The following RAD9A variants were observed in gnomAD, a reference collection of about 807,000 sequenced individuals.
The protein encoded by RAD9A is cell cycle checkpoint control protein RAD9A.
RAD9A carries 25 observed loss-of-function variants against 41.2 expected under a neutral mutation model. That is an observed-to-expected ratio of 0.61 (90% confidence interval 0.44 to 0.85). RAD9A has a LOEUF of 0.85. Ranked by LOEUF, RAD9A falls within the 40% of genes least tolerant of loss-of-function variation. The pLI, the probability that RAD9A is intolerant of heterozygous loss-of-function variation, is 0.00. For missense variants in RAD9A, 514 were observed against 518.3 expected, an observed-to-expected ratio of 0.99 and a Z score of 0.08; for synonymous variants, 252 against 210.6, an observed-to-expected ratio of 1.20 and a Z score of -1.70.
Position 67,398,077 on chromosome 11 carries a change from G to A in RAD9A, c.*518G>A. On this transcript the variant is annotated 3_prime_UTR_variant, in exon 11 of 11. Coordinates refer to ENST00000307980, the MANE Select transcript of RAD9A (RefSeq NM_004584.3). ...AATTCTAAGAGCCTTGGACCCGAGT[G>A]TGTGGCTAGGGTTGCCCTGGCTGGG... 1 of 205,786 alleles carries A rather than the reference G, an allele frequency of 4.9e-6. No individual in the cohort carries two copies. Among genetic ancestry groups the A allele is most frequent in the Non-Finnish European group, 9.9e-6 (1 of 100,698 alleles). The allele number at this position is 205,786 out of a possible 1,614,324, so 12.7% of individuals were successfully genotyped here.
Position 67,393,783 on chromosome 11 carries a change from C to G in RAD9A, c.442C>G (p.Pro148Ala). 6.2e-7 allele frequency: 1 copy of G among 1,605,768 alleles called. No homozygotes were observed. The highest frequency in any genetic ancestry group is 8.5e-7 in the Non-Finnish European group (1 of 1,176,516). Residue 148 changes from proline (P) to alanine (A), a missense_variant, in exon 5 of 11, where the codon CCA (proline) becomes GCA (alanine). Coordinates refer to ENST00000307980, the MANE Select transcript of RAD9A (RefSeq NM_004584.3). ...CTCGTGCCCCCACATGCTCCGCGCC[C>G]CAGCACGGTGAGCACACCCCTGCCC... ...PASCPHMLRA[P>A]ARVLGEAVLP...
intron 3 of RAD9A, 144 bp from the exon 4 acceptor site, chr11:67,393,352 T>TAGA (rs1862587372): frequency 7.0e-7 from 1 of 1,437,872 alleles, no homozygotes; most frequent in South Asian, 1.4e-5. Flanking sequence ...GAATGAGGCC[T>TAGA]AGAAGGATGC....
At position 67,397,082 on chromosome 11, in the gene RAD9A, G is replaced by A. The variant is rs776415210; in HGVS notation, c.873-97G>A. 30 of 831,394 alleles carry A rather than the reference G, an allele frequency of 3.6e-5. No individual in the cohort carries two copies. The African/African-American group carries it at 5.1e-4, about 14-fold the overall frequency. 51.5% of individuals were successfully genotyped at this position (831,394 alleles called of 1,614,324 possible). ...AAGTCATAAAACCAAGAGATCTCCA[G>A]TGGTCGGGGGCCCCAGAGCTCCCTT... On this transcript the variant is annotated intron_variant, in intron 9 of 10. Coordinates refer to ENST00000307980, the MANE Select transcript of RAD9A (RefSeq NM_004584.3).
At chr11:67,393,161 T>C (rs17883741) in intron 3 of RAD9A, 20,091 of 525,890 alleles carry the variant, frequency 0.038, 503 homozygotes, top group East Asian at 0.11. Flanking sequence ...GCGCCTGTAA[T>C]CCCAGCTACT....
chr11:67,393,647 C>T, intron 4 of RAD9A, 37 bp downstream of exon 4: 1 of 1,613,256 alleles, frequency 6.2e-7, no homozygotes, highest in Non-Finnish European at 8.5e-7. Context: ...GGTGCCTCAG[C>T]AGGGAGGTCG....
chr11:67,396,487 G>T, intron 9 of RAD9A, 87 bp downstream of exon 9: 1 of 1,489,510 alleles, frequency 6.7e-7, no homozygotes. Context: ...GCACCTCCCC[G>T]CAATGTGTTC....
Position 67,393,714 on chromosome 11 carries a change from TC to T in RAD9A, c.375del (p.Phe126SerfsTer41). 2 of 1,613,658 alleles carry T rather than the reference TC, an allele frequency of 1.2e-6. No individual in the cohort carries two copies. Among genetic ancestry groups the T allele is most frequent in the Non-Finnish European group, 1.7e-6 (2 of 1,179,796 alleles). On this transcript the variant is annotated frameshift_variant, in exon 5 of 11. Transcript: ENST00000307980. LOFTEE classifies it high-confidence loss of function. The part of the protein sequence containing the change: ...KFGVRKTHNL[S>X]FQDCESLQAV... The stretch of plus-strand genomic sequence containing the variant: ...AGGGGTGCGGAAGACTCACAACCTG[TC>T]CTTCCAGGACTGTGAGTCCCTGCAG...
Position 67,396,340 on chromosome 11 carries a change from A to G in RAD9A, c.812A>G (p.His271Arg). 2 of 1,613,386 alleles carry G rather than the reference A, an allele frequency of 1.2e-6. No homozygotes were observed. Among genetic ancestry groups the G allele is most frequent in the South Asian group, 1.1e-5 (1 of 91,034 alleles). Residue 271 changes from histidine (H) to arginine (R), a missense_variant, in exon 9 of 11, where the codon CAC becomes CGC. Coordinates refer to ENST00000307980, the MANE Select transcript of RAD9A (RefSeq NM_004584.3). Reference protein sequence around the residue: ...VLATLSDTDSHSQDLGSPERH... With the variant: ...VLATLSDTDSRSQDLGSPERH... ...GCCACACTCTCAGACACCGACTCGCACTCCCAGGACCTGGGCTCCCCAGAG... is the reference window on the plus strand; with the variant it reads ...GCCACACTCTCAGACACCGACTCGCGCTCCCAGGACCTGGGCTCCCCAGAG...
intron 5 of RAD9A, 90 bp downstream of exon 5, chr11:67,393,880 C>T: frequency 9.4e-7 from 1 of 1,058,876 alleles, no homozygotes; most frequent in Non-Finnish European, 1.3e-6. Flanking sequence ...GTACCTCTTT[C>T]ATTTTCCCTA....
Position 67,397,184 on chromosome 11 carries a change from C to G in RAD9A, c.878C>G (p.Pro293Arg). 1 of 1,612,594 alleles carries G rather than the reference C, an allele frequency of 6.2e-7. No homozygotes were observed. Among genetic ancestry groups the G allele is most frequent in the South Asian group, 1.1e-5 (1 of 91,054 alleles). The change falls in exon 10 of 11, where the codon CCC becomes CGC. Residue 293 changes from proline (P) to arginine (R), a missense_variant. Around this residue, in one of 3 missense-constraint regions of RAD9A, gnomAD observed 216 missense variants for 184.2 expected, o/e 1.17. Transcript: ENST00000307980. ...TACTCCGATTCTGCCTACAGCACAC[C>G]CCACCCGGACGACTTTGCCAATGAC... ...PVPQLQAHST[P>R]HPDDFANDDI...
In RAD9A at chr11:67,398,331, G is replaced by A. The variant is rs911265871; in HGVS notation, c.*772G>A. The A allele has an allele frequency of 2.8e-5, 17 of 604,174 alleles. No homozygotes were observed. Among genetic ancestry groups the A allele is most frequent in the Non-Finnish European group, 4.6e-5 (16 of 351,402 alleles). The allele number at this position is 604,174 out of a possible 1,614,324, so 37.4% of individuals were successfully genotyped here. On this transcript the variant is annotated 3_prime_UTR_variant, in exon 11 of 11. Coordinates refer to ENST00000307980, the MANE Select transcript of RAD9A (RefSeq NM_004584.3). ...CCTCGGCCCCAGGATCCTGCTCACA[G>A]TCACCGCAGGTGCAGGCAGGAAGCA...
chr11:67,392,239 G>GGGC lies in RAD9A; in HGVS notation c.105+8_105+9insGGC. 7.3e-7 allele frequency: 1 copy of GGGC among 1,361,976 alleles called. No homozygotes were observed. The highest frequency in any genetic ancestry group is 1.0e-6 in the Non-Finnish European group (1 of 969,466). The allele number at this position is 1,361,976 out of a possible 1,614,324, so 84.4% of individuals were successfully genotyped here. A position where few individuals can be genotyped will look rare whatever the true frequency, so the allele number is the denominator to read the frequency against. The stretch of plus-strand genomic sequence containing the variant: ...GAACCCTTGGAGGACGGGGTGAGGG[G>GGGC]CTAGGGTGTGGGGGGCGGGTGGGAC... On this transcript the variant is annotated intron_variant, in intron 2 of 10. Transcript: ENST00000307980.
chr11:67,392,306 A>T, intron 2 of RAD9A, 75 bp downstream of exon 2: 1 of 1,279,254 alleles, frequency 7.8e-7, no homozygotes, highest in Non-Finnish European at 1.1e-6. Context: ...TCTCGCCCCC[A>T]CTAGGCGGGA....
intron 3 of RAD9A, 23 bp from the exon 4 acceptor site, chr11:67,393,473 C>T (rs1565116163): frequency 1.2e-5 from 19 of 1,612,938 alleles, no homozygotes; most frequent in Admixed American, 1.7e-5. Flanking sequence ...TGATGCTAGG[C>T]TGAGGTGTCT....
chr11:67,395,517 A>G (rs771872958), intron 5 of RAD9A, among the ~76,000 whole-genome samples, 199 bp from the exon 6 acceptor site: 4 of 152,012 alleles, frequency 2.6e-5, no homozygotes, highest in African/African-American at 4.8e-5. Context: ...CCTGGTCTGC[A>G]TGGTCAGGTG....
At chr11:67,393,361 G>A in intron 3 of RAD9A, 135 bp from the exon 4 acceptor site, 2 of 1,448,588 alleles carry the variant, frequency 1.4e-6, no homozygotes, top group Non-Finnish European at 1.8e-6. Flanking sequence ...CTAGAAGGAT[G>A]CCAGTGCCCG....
Position 67,392,207 on chromosome 11 carries a change from C to A in RAD9A, c.81C>A (p.Leu27=). The change falls in exon 2 of 11, where the codon CTC becomes CTA. Residue 27 remains leucine (L), a synonymous_variant. Transcript: ENST00000307980. ...VHSLSRIGDE[L]YLEPLEDGLS... ...CCCTGTCCCGCATCGGGGACGAGCT[C>A]TACCTGGAACCCTTGGAGGACGGGG... is the stretch of plus-strand genomic sequence containing the variant. 6.5e-7 allele frequency: 1 copy of A among 1,531,538 alleles called. No individual in the cohort carries two copies. 94.9% of individuals were successfully genotyped at this position (1,531,538 alleles called of 1,614,324 possible). A position where few individuals can be genotyped will look rare whatever the true frequency, so the allele number is the denominator to read the frequency against.
At position 67,393,606 on chromosome 11, in the gene RAD9A, G is replaced by A. The variant is rs2134945274; in HGVS notation, c.345G>A (p.Lys115=). The A allele has an allele frequency of 1.2e-6, 2 of 1,614,160 alleles. No homozygotes were observed. The highest frequency in any genetic ancestry group is 2.2e-5 in the South Asian group (2 of 91,088). ...GCCTGGTGGTCCAGCTGCATTGCAA[G>A]TTCGGTGAGTGGGCAGCCGGCCAGC... ...SSRLVVQLHC[K]FGVRKTHNLS... The change falls in exon 4 of 11, where the codon AAG becomes AAA. Residue 115 remains lysine, a synonymous_variant. Transcript: ENST00000307980.
At chr11:67,394,841 C>G (rs368761570) in intron 5 of RAD9A, among the ~76,000 whole-genome samples, 43 of 151,694 alleles carry the variant, frequency 2.8e-4, no homozygotes, top group African/African-American at 1.0e-3. Context: ...GTCTTGAACT[C>G]CCGACCTCAG....
Sources: allele counts gnomAD v4.1 joint callset (sites outside exome capture counted in the v4.1 genomes callset), GRCh38; gene constraint gnomAD v4.1.1; regional missense constraint gnomAD v4.1.1; transcripts MANE v1.5; gene names NCBI Gene and HGNC (gene_info 2026-07-23, HGNC 2026-07-21).